Variants in ANKRD45 observed in about 807,000 individuals in gnomAD.
ANKRD45 encodes the protein ankyrin repeat domain-containing protein 45.
Under a neutral mutation model 28.1 loss-of-function variants are expected in ANKRD45, and 21 were observed. The observed-to-expected ratio is 0.75, with a 90% CI of 0.53 to 1.08. The LOEUF (loss-of-function observed/expected upper bound fraction) is 1.08, where lower values mean the gene tolerates loss of function less well. ANKRD45 is among the 50% of genes least tolerant of loss of function. The pLI is 0.00. For synonymous variants in ANKRD45, 86 were observed against 103.9 expected (o/e 0.83, Z 1.05); for missense variants, 261 against 308.7 (o/e 0.85, Z 1.16).
chr1:173,712,318 G>C, the ANKRD45 span, among the ~76,000 whole-genome samples: 1 of 152,188 alleles, frequency 6.6e-6, no homozygotes. Flanking sequence ...CACTGTAGCT[G>C]AAAGCACAGA....
chr1:173,612,936 A>G (rs1667239407), intron 5 of ANKRD45, among the ~76,000 whole-genome samples: 1 of 152,084 alleles, frequency 6.6e-6, no homozygotes, highest in Admixed American at 6.5e-5. Context: ...GATCTCGGCT[A>G]GCTACAACCT....
rs1228521768 is a variant in ANKRD45, at chr1:173,624,798, A to C, written c.719T>G (p.Met240Arg). 6.2e-7 allele frequency: 1 copy of C among 1,613,212 alleles called. No individual in the cohort carries two copies. The highest frequency in any genetic ancestry group is 1.3e-5 in the African/African-American group (1 of 74,898). ...EDIVTPIFTK[M>R]TTPCQVKSAK... ...TATCCAAAACTTACATGGTGTAGTC[A>C]TTTTTGTGAAGATAGGAGTCACAAT... Residue 240 changes from methionine to arginine, a missense_variant, in exon 5 of 6, where the codon ATG becomes AGG. Coordinates refer to ENST00000333279, the MANE Select transcript of ANKRD45 (RefSeq NM_198493.3).
chr1:173,620,776 A>C (rs529459538), intron 5 of ANKRD45, among the ~76,000 whole-genome samples: 33 of 152,280 alleles, frequency 2.2e-4, no homozygotes, highest in African/African-American at 7.9e-4. Context: ...CAAACCCCAA[A>C]GTTAGCAGAA....
chr1:173,713,810 A>G, the ANKRD45 span, among the ~76,000 whole-genome samples: 1 of 152,046 alleles, frequency 6.6e-6, no homozygotes, highest in African/African-American at 2.4e-5. Context: ...TTTGAAAAGA[A>G]ACCTAGCCCC....
upstream of ANKRD45, among the ~76,000 whole-genome samples, chr1:173,672,172 A>T (rs1571796858): frequency 6.6e-6 from 1 of 152,108 alleles, no homozygotes; most frequent in African/African-American, 2.4e-5. Flanking sequence ...ATAAATTTGA[A>T]TTTTTTCAAA....
chr1:173,709,725 G>A, the ANKRD45 span, among the ~76,000 whole-genome samples: 1 of 151,850 alleles, frequency 6.6e-6, no homozygotes, highest in African/African-American at 2.4e-5. Flanking sequence ...TCAACCTCCT[G>A]AGCTCAAGTG....
At chr1:173,623,367 A>G (rs1169238933) in intron 5 of ANKRD45, among the ~76,000 whole-genome samples, 1 of 152,136 alleles carries the variant, frequency 6.6e-6, no homozygotes, top group African/African-American at 2.4e-5. Flanking sequence ...AAAGCTCAAC[A>G]TCACTGATCA....
At chr1:173,676,834 C>CAAAAA in the ANKRD45 span, among the ~76,000 whole-genome samples, 10 of 98,790 alleles carry the variant, frequency 1.0e-4, no homozygotes, top group African/African-American at 3.4e-4. Flanking sequence ...GACTCCATCT[C>CAAAAA]AAAAAAAAAA....
chr1:173,642,217 A>G lies in ANKRD45; in HGVS notation c.496+4629T>C, dbSNP rs549630875. ...GGGATGGAAAGGGATTTTCACTTCA[A>G]TTCTCACCTCGTTAGCTCTTGTTAT... On this transcript the variant is annotated intron_variant, in intron 3 of 5. Coordinates refer to ENST00000333279, the MANE Select transcript of ANKRD45 (RefSeq NM_198493.3). 3.3e-4 allele frequency among the ~76,000 whole-genome samples: 50 copies of G among 152,330 alleles called. No homozygotes were observed. In the South Asian group the frequency reaches 4.3e-3, roughly 13 times the overall value.
At chr1:173,637,213 C>T (rs1668487402) in intron 3 of ANKRD45, 2 of 542,468 alleles carry the variant, frequency 3.7e-6, no homozygotes, top group South Asian at 2.3e-5. Context: ...TAAAAAAGAA[C>T]CCGGACTTAC....
the ANKRD45 span, among the ~76,000 whole-genome samples, chr1:173,714,333 T>A: frequency 6.6e-6 from 1 of 152,224 alleles, no homozygotes; most frequent in Non-Finnish European, 1.5e-5. Flanking sequence ...AAAAAAAATT[T>A]TTTTAAGAAA....
chr1:173,664,353 T>G (rs1571782343), intron 1 of ANKRD45, among the ~76,000 whole-genome samples: 1 of 152,228 alleles, frequency 6.6e-6, no homozygotes, highest in African/African-American at 2.4e-5. Context: ...ACATTTCTGC[T>G]AAAGATATCC....
chr1:173,641,142 GA>G (rs1668682569), intron 3 of ANKRD45, among the ~76,000 whole-genome samples: 1 of 152,216 alleles, frequency 6.6e-6, no homozygotes, highest in Non-Finnish European at 1.5e-5. Flanking sequence ...TTGTGAAAGT[GA>G]AATATCTTAA....
rs751081068 is a variant in ANKRD45, at chr1:173,659,342, T to G, written c.77A>C (p.Glu26Ala). 11 of 1,611,618 alleles carry G rather than the reference T, an allele frequency of 6.8e-6. No homozygotes were observed. Among genetic ancestry groups the G allele is most frequent in the South Asian group, 2.2e-5 (2 of 90,658 alleles). Reference protein sequence around the residue: ...SQQEEENEEEEAQEPEETGPK... With the variant: ...SQQEEENEEEAAQEPEETGPK... The stretch of plus-strand genomic sequence containing the variant: ...GCCTGTTTCCTCTGGTTCTTGGGCT[T>G]CTTCTTCTTCATTTTCCTCTTCTTG... The change falls in exon 2 of 6, where the codon GAA (glutamate) becomes GCA (alanine). Residue 26 changes from glutamate to alanine, a missense_variant. Transcript: ENST00000333279.
the ANKRD45 span, among the ~76,000 whole-genome samples, chr1:173,711,454 G>C: frequency 1.3e-5 from 2 of 152,226 alleles, no homozygotes; most frequent in Non-Finnish European, 2.9e-5. Context: ...AGGTAGATAA[G>C]AGACAAATTG....
chr1:173,659,851 T>C (rs1161350527), intron 1 of ANKRD45, among the ~76,000 whole-genome samples: 1 of 152,180 alleles, frequency 6.6e-6, no homozygotes, highest in African/African-American at 2.4e-5. Flanking sequence ...GGCAACGACA[T>C]TTAAACAGAA....
At chr1:173,652,467 A>C (rs1669278455) in intron 2 of ANKRD45, among the ~76,000 whole-genome samples, 1 of 152,126 alleles carries the variant, frequency 6.6e-6, no homozygotes, top group Admixed American at 6.6e-5. Flanking sequence ...ATGGTGGATA[A>C]GCTTTTGATG....
chr1:173,658,958 A>G, intron 2 of ANKRD45, 133 bp downstream of exon 2: 1 of 1,245,968 alleles, frequency 8.0e-7, no homozygotes, highest in Non-Finnish European at 1.1e-6. Flanking sequence ...ACATACATAC[A>G]CCCATATAGA....
At chr1:173,610,403 T>C (rs925344335) in intron 5 of ANKRD45, among the ~76,000 whole-genome samples, 188 bp from the exon 6 acceptor site, 3 of 152,188 alleles carry the variant, frequency 2.0e-5, no homozygotes, top group Non-Finnish European at 2.9e-5. Context: ...TTTAAAGCTG[T>C]GAGGTCACAT....
Sources: allele counts gnomAD v4.1 joint callset (sites outside exome capture counted in the v4.1 genomes callset), GRCh38; gene constraint gnomAD v4.1.1; transcripts MANE v1.5; gene names NCBI Gene and HGNC (gene_info 2026-07-23, HGNC 2026-07-21).